The following CLVS1 variants were observed in gnomAD, a reference collection of about 807,000 sequenced individuals.
CLVS1 encodes clavesin-1.
In CLVS1, 10 loss-of-function variants were observed where a neutral mutation model predicts 33.1. The observed-to-expected ratio is 0.30, with a 90% confidence interval of 0.19 to 0.51. CLVS1 has a LOEUF of 0.51. CLVS1 is among the 20% of genes least tolerant of loss of function. The pLI is 0.97. For missense variants in CLVS1, 343 were observed against 433.4 expected, an observed-to-expected ratio of 0.79 and a Z score of 1.85; for synonymous variants, 163 against 166.1, an observed-to-expected ratio of 0.98 and a Z score of 0.14.
At chr8:61,465,462 T>C (rs1340158705) in intron 5 of CLVS1, 1 of 152,146 alleles carries the variant, frequency 6.6e-6, no homozygotes, top group African/African-American at 2.4e-5. Flanking sequence ...CTTTGGATAA[T>C]TGTAGCTCAA....
At chr8:61,254,359 C>T (rs1457505064) in intron 2 of CLVS1, among the ~76,000 whole-genome samples, 1 of 152,202 alleles carries the variant, frequency 6.6e-6, no homozygotes, top group Non-Finnish European at 1.5e-5. Flanking sequence ...TTAGGCTACT[C>T]AGGGGTCAGG....
At chr8:61,052,293 C>T (rs1585572707), upstream of CLVS1, among the ~76,000 whole-genome samples, 3 of 152,256 alleles carry the variant, frequency 2.0e-5, no homozygotes, top group Admixed American at 6.5e-5. Flanking sequence ...TTTTGAAAAC[C>T]TAACTAACTA....
chr8:61,389,921 T>C (rs1004736392), intron 3 of CLVS1, among the ~76,000 whole-genome samples: 1 of 152,138 alleles, frequency 6.6e-6, no homozygotes, highest in African/African-American at 2.4e-5. Context: ...TTTACGAGAG[T>C]AAAAAAGTCA....
intron 5 of CLVS1, among the ~76,000 whole-genome samples, chr8:61,483,117 C>T (rs959210695): frequency 1.3e-5 from 2 of 152,202 alleles, no homozygotes; most frequent in Non-Finnish European, 1.5e-5. Context: ...GCGATAGAGA[C>T]ACAAAAGATC....
intron 2 of CLVS1, among the ~76,000 whole-genome samples, chr8:61,208,774 G>T (rs2129306784): frequency 6.6e-6 from 1 of 152,248 alleles, no homozygotes; most frequent in East Asian, 1.9e-4. Flanking sequence ...TTTTGGTAGA[G>T]ATGGGGTTTC....
chr8:61,146,186 C>T (rs564797901), intron 2 of CLVS1, among the ~76,000 whole-genome samples: 33 of 152,150 alleles, frequency 2.2e-4, no homozygotes, highest in Non-Finnish European at 3.8e-4. Context: ...AAATTAAATG[C>T]ACAGGACTTC....
intron 5 of CLVS1, among the ~76,000 whole-genome samples, chr8:61,490,117 A>T (rs1804018080): frequency 6.6e-6 from 1 of 151,944 alleles, no homozygotes; most frequent in Non-Finnish European, 1.5e-5. Context: ...GGAGTTCAAG[A>T]CTAGCCTGGC....
chr8:60,981,042 C>T, the CLVS1 span, among the ~76,000 whole-genome samples: 3 of 152,160 alleles, frequency 2.0e-5, no homozygotes, highest in Non-Finnish European at 4.4e-5. Flanking sequence ...GATGGCTTCT[C>T]TAGAGCCTCC....
chr8:61,120,477 T>C (rs1200651816), intron 1 of CLVS1, among the ~76,000 whole-genome samples: 21 of 123,126 alleles, frequency 1.7e-4, no homozygotes, highest in Admixed American at 4.0e-4. Flanking sequence ...AGTTTTTCTG[T>C]TCTGTTTTTT....
intron 2 of CLVS1, among the ~76,000 whole-genome samples, chr8:61,176,867 G>T (rs1294430184): frequency 1.3e-5 from 2 of 152,210 alleles, no homozygotes; most frequent in South Asian, 2.1e-4. Context: ...CACCATTGGA[G>T]CCTAGGATCC....
intron 2 of CLVS1, among the ~76,000 whole-genome samples, chr8:61,258,217 AG>A (rs1315244489): frequency 6.6e-6 from 1 of 152,224 alleles, no homozygotes; most frequent in Non-Finnish European, 1.5e-5. Flanking sequence ...ATAATGAACA[AG>A]AAATGTATCT....
the CLVS1 span, among the ~76,000 whole-genome samples, chr8:60,993,767 G>A: frequency 2.6e-5 from 4 of 152,220 alleles, no homozygotes; most frequent in Admixed American, 2.0e-4. Flanking sequence ...CTACCATCGG[G>A]TGGCAGGTTT....
intron 2 of CLVS1, among the ~76,000 whole-genome samples, chr8:61,369,214 T>C (rs540454667): frequency 3.3e-4 from 50 of 152,340 alleles, no homozygotes; most frequent in African/African-American, 1.2e-3. Context: ...TTCAGGGTAG[T>C]AAATTTAATA....
At chr8:61,475,646 T>A (rs1463357117) in intron 5 of CLVS1, among the ~76,000 whole-genome samples, 3 of 152,184 alleles carry the variant, frequency 2.0e-5, no homozygotes, top group Non-Finnish European at 4.4e-5. Context: ...TGGGGTTGTT[T>A]GTTTTTTTCT....
intron 1 of CLVS1, among the ~76,000 whole-genome samples, chr8:61,121,960 G>A (rs749092005): frequency 1.1e-3 from 169 of 152,320 alleles, no homozygotes; most frequent in Non-Finnish European, 2.2e-3. Flanking sequence ...ACAACAGGAG[G>A]ACTCAACACA....
rs140212657 is a variant in CLVS1 at position 61,402,546 on chromosome 8, G to T, written c.630+25767G>T. On this transcript the variant is annotated intron_variant, in intron 3 of 5. Transcript: ENST00000325897. The stretch of plus-strand genomic sequence containing the variant: ...CACCAACCGGTTAACGTACACACAC[G>T]ATTCAATGAGATATTAAAAACAGAT... Among the ~76,000 whole-genome samples the T allele has an allele frequency of 5.7e-3, 870 of 152,180 alleles. 9 individuals carry two copies. The highest frequency in any genetic ancestry group is 0.02 in the African/African-American group (851 of 41,520).
At chr8:61,292,598 C>A (rs1360101920) in intron 1 of CLVS1, 3 of 320,694 alleles carry the variant, frequency 9.4e-6, no homozygotes, top group East Asian at 7.5e-5. Flanking sequence ...CCCATTGATA[C>A]CCCTAGGAAG....
rs140119137 is a variant in CLVS1 at position 61,498,636 on chromosome 8, C to CATT, written c.978-817_978-815dup. Among the ~76,000 whole-genome samples the CATT allele has an allele frequency of 8.0e-3, 1,216 of 152,272 alleles. 11 individuals carry two copies. Among genetic ancestry groups the CATT allele is most frequent in the African/African-American group, 0.028 (1,166 of 41,556 alleles). The stretch of plus-strand genomic sequence containing the variant: ...AAAGGACACATCAAAAACTAATGAT[C>CATT]ATTACTAGTATTGCAATAGTGGTTG... On this transcript the variant is annotated intron_variant, in intron 5 of 5. Transcript: ENST00000325897.
intron 3 of CLVS1, among the ~76,000 whole-genome samples, chr8:61,387,318 T>C (rs1340876251): frequency 2.6e-5 from 4 of 151,954 alleles, no homozygotes; most frequent in African/African-American, 9.7e-5. Flanking sequence ...ACCCGGGAGA[T>C]GGTGGTTGCA....
Sources: allele counts gnomAD v4.1 joint callset (sites outside exome capture counted in the v4.1 genomes callset), GRCh38; gene constraint gnomAD v4.1.1; transcripts MANE v1.5; gene names NCBI Gene and HGNC (gene_info 2026-07-23, HGNC 2026-07-21).